ZNF385B: variants seen among roughly 807,000 people sequenced by gnomAD.
ZNF385B encodes zinc finger protein 533.
ZNF385B carries 23 observed loss-of-function variants against 39.2 expected under a neutral mutation model. That is an observed-to-expected ratio of 0.59 (90% confidence interval 0.42 to 0.83). ZNF385B has a LOEUF of 0.83. Among genes scored for constraint, ZNF385B ranks in the 40% least tolerant of loss-of-function variants. The pLI is 0.00. For synonymous variants in ZNF385B, 205 were observed against 222.6 expected (o/e 0.92, Z 0.70); for missense variants, 552 against 598.9 (o/e 0.92, Z 0.82).
At chr2:179,490,574 TA>T (rs2055109759) in intron 5 of ZNF385B, among the ~76,000 whole-genome samples, 1 of 151,838 alleles carries the variant, frequency 6.6e-6, no homozygotes. Flanking sequence ...CATGATGAAT[TA>T]GAAAGGTGCT....
intron 3 of ZNF385B, among the ~76,000 whole-genome samples, chr2:179,554,955 GAATAT>G (rs1377911443): frequency 6.7e-6 from 1 of 149,180 alleles, no homozygotes; most frequent in African/African-American, 2.5e-5. Context: ...TATTTAAGCT[GAATAT>G]ATAAATACCC....
chr2:179,535,558 C>T (rs1418250317), intron 4 of ZNF385B, among the ~76,000 whole-genome samples: 1 of 152,154 alleles, frequency 6.6e-6, no homozygotes, highest in African/African-American at 2.4e-5. Context: ...AACAATGACA[C>T]ATGTAATCTA....
intron 1 of ZNF385B, among the ~76,000 whole-genome samples, chr2:179,773,146 C>T (rs886974432): frequency 2.6e-5 from 4 of 152,028 alleles, no homozygotes; most frequent in Admixed American, 1.3e-4. Context: ...CCCTGACCTG[C>T]ATTGTTATCC....
chr2:179,494,406 G>A (rs2055929301), intron 5 of ZNF385B, among the ~76,000 whole-genome samples: 2 of 152,026 alleles, frequency 1.3e-5, no homozygotes, highest in Non-Finnish European at 2.9e-5. Flanking sequence ...AAGTAGAAGA[G>A]GAGGCTCATC....
At chr2:179,801,032 A>G (rs1705997123) in intron 1 of ZNF385B, among the ~76,000 whole-genome samples, 1 of 152,090 alleles carries the variant, frequency 6.6e-6, no homozygotes, top group Admixed American at 6.6e-5. Context: ...TTAGAATCCA[A>G]ACAAAGCCTA....
At chr2:179,854,430 G>A (rs113225982) in intron 1 of ZNF385B, among the ~76,000 whole-genome samples, 11,263 of 151,680 alleles carry the variant, frequency 0.074, 506 homozygotes, top group African/African-American at 0.1. Flanking sequence ...ATGAATGGTA[G>A]TCATTTCCAT....
intron 3 of ZNF385B, among the ~76,000 whole-genome samples, chr2:179,744,340 C>T (rs1244474436): frequency 2.1e-5 from 3 of 144,524 alleles, no homozygotes; most frequent in Non-Finnish European, 4.5e-5. Context: ...ATCATAGAGA[C>T]GCCTTAGCAG....
intron 4 of ZNF385B, among the ~76,000 whole-genome samples, chr2:179,526,427 TA>T (rs879695720): frequency 8.6e-4 from 124 of 143,476 alleles, no homozygotes; most frequent in Middle Eastern, 7.2e-3. Context: ...CTGTCTCTAC[TA>T]AAAAAAAAAA....
Position 179,745,998 on chromosome 2 carries a change from CA to C in ZNF385B, c.298+23504del, listed in dbSNP as rs569392657. The C allele has an allele frequency of 9.3e-4, 1,085 of 1,166,576 alleles. 8 individuals carry two copies. In the African/African-American group the frequency reaches 0.011, roughly 12 times the overall value. 72.3% of individuals were successfully genotyped at this position (1,166,576 alleles called of 1,614,324 possible). A position where few individuals can be genotyped will look rare whatever the true frequency, so the allele number is the denominator to read the frequency against. ...TGAGTCATTTGTAAAGAAAGCAGAG[CA>C]ATTTCAATTCTATATCTCCATGTGT... On this transcript the variant is annotated intron_variant, in intron 3 of 9. Coordinates refer to ENST00000410066, the MANE Select transcript of ZNF385B (RefSeq NM_152520.6).
chr2:179,612,200 A>G (rs1574978729), intron 3 of ZNF385B, among the ~76,000 whole-genome samples: 1 of 152,184 alleles, frequency 6.6e-6, no homozygotes, highest in Admixed American at 6.5e-5. Context: ...ATATATCTCT[A>G]TCTCTCCAGG....
At chr2:179,623,553 G>A (rs1186443513) in intron 3 of ZNF385B, among the ~76,000 whole-genome samples, 2 of 152,090 alleles carry the variant, frequency 1.3e-5, no homozygotes, top group African/African-American at 4.8e-5. Context: ...TTTTGAAGAC[G>A]GCACAGTAGC....
chr2:179,473,192 C>T (rs558848816), intron 6 of ZNF385B, among the ~76,000 whole-genome samples: 2 of 152,278 alleles, frequency 1.3e-5, no homozygotes, highest in East Asian at 1.9e-4. Context: ...GGCCCTTCCG[C>T]ATCTTTAAAT....
intron 3 of ZNF385B, among the ~76,000 whole-genome samples, chr2:179,600,292 G>C (rs1374615434): frequency 6.6e-6 from 1 of 152,112 alleles, no homozygotes; most frequent in East Asian, 1.9e-4. Flanking sequence ...AGCATGTTGA[G>C]AACTAAAGAC....
intron 3 of ZNF385B, among the ~76,000 whole-genome samples, chr2:179,739,038 C>A (rs1182218385): frequency 2.0e-5 from 3 of 152,160 alleles, no homozygotes; most frequent in Non-Finnish European, 4.4e-5. Context: ...ATGGATTCCA[C>A]CACCACTGCA....
At chr2:179,751,955 C>CT in intron 3 of ZNF385B, among the ~76,000 whole-genome samples, 1 of 152,086 alleles carries the variant, frequency 6.6e-6, no homozygotes, top group Non-Finnish European at 1.5e-5. Flanking sequence ...TATTATTATA[C>CT]TTTAAGTTCT....
chr2:179,493,164 A>T (rs1189711972), intron 5 of ZNF385B, among the ~76,000 whole-genome samples: 1 of 152,080 alleles, frequency 6.6e-6, no homozygotes, highest in Admixed American at 6.5e-5. Context: ...ATATGATATC[A>T]TCAATGTGAA....
At chr2:179,818,895 G>A (rs11892974) in intron 1 of ZNF385B, among the ~76,000 whole-genome samples, 1 of 152,094 alleles carries the variant, frequency 6.6e-6, no homozygotes, top group Non-Finnish European at 1.5e-5. Flanking sequence ...CTCTTCCCCA[G>A]AGTGCCAGTT....
intron 3 of ZNF385B, among the ~76,000 whole-genome samples, chr2:179,546,300 G>C (rs748594604): frequency 1.3e-5 from 2 of 152,046 alleles, no homozygotes; most frequent in African/African-American, 2.4e-5. Flanking sequence ...ACCTCCCAAA[G>C]TGCTGGAATT....
At chr2:179,716,770 A>AC (rs1404367779) in intron 3 of ZNF385B, among the ~76,000 whole-genome samples, 15 of 152,046 alleles carry the variant, frequency 9.9e-5, no homozygotes, top group Non-Finnish European at 2.2e-4. Context: ...TTTGGCTTGG[A>AC]CCCCTGAGCC....
Sources: allele counts gnomAD v4.1 joint callset (sites outside exome capture counted in the v4.1 genomes callset), GRCh38; gene constraint gnomAD v4.1.1; transcripts MANE v1.5; gene names NCBI Gene and HGNC (gene_info 2026-07-23, HGNC 2026-07-21).